Variants in CCNH observed in about 807,000 individuals in gnomAD.
The protein encoded by CCNH is cyclin-H.
In CCNH, 31 loss-of-function variants were observed where a neutral mutation model predicts 41.9. That is an observed-to-expected ratio of 0.74 (90% CI 0.56 to 1.00). CCNH has a LOEUF of 1.00. CCNH is among the 50% of genes least tolerant of loss of function. The pLI, the probability that CCNH is intolerant of heterozygous loss-of-function variation, is 0.00. For missense variants in CCNH, 362 were observed against 388.4 expected (o/e 0.93, Z 0.57); for synonymous variants, 138 against 136.1 (o/e 1.01, Z -0.10).
Position 87,377,148 on chromosome 5 carries a change from A to AGGT in CCNH, n.32_33insACC, listed in dbSNP as rs1224353810. 6.1e-5 allele frequency: 85 copies of AGGT among 1,387,898 alleles called. No homozygotes were observed. In the Admixed American group the frequency reaches 1.4e-3, roughly 23 times the overall value. The allele number at this position is 1,387,898 out of a possible 1,614,324, so 86.0% of individuals were successfully genotyped here. On this transcript the variant is annotated non_coding_transcript_exon_variant, in exon 1 of 1. Coordinates refer to the CCNH transcript ENST00000607486. ...TACTAAATTGTTAAATTATATTGCA[A>AGGT]AATAAGTTATTCTGTTTTCCCTCCT...
chr5:87,331,131 G>T (rs1580278957), intron 9 of CCNH: 1 of 860,744 alleles, frequency 1.2e-6, no homozygotes, highest in East Asian at 2.6e-5. Flanking sequence ...AGATGACTAG[G>T]ACTGAGCTTT....
intron 1 of CCNH, 24 bp downstream of exon 1, chr5:87,412,654 G>A: frequency 1.2e-6 from 2 of 1,612,572 alleles, no homozygotes; most frequent in East Asian, 2.2e-5. Context: ...CCGGGCAACT[G>A]GGCAACCGTT....
At chr5:87,367,023 C>G (rs747981268) in intron 9 of CCNH, among the ~76,000 whole-genome samples, 1 of 152,130 alleles carries the variant, frequency 6.6e-6, no homozygotes, top group Non-Finnish European at 1.5e-5. Context: ...AGAGTGAGGC[C>G]CGGTCTCAAA....
chr5:87,369,395 T>C (rs1760762382), intron 9 of CCNH, among the ~76,000 whole-genome samples: 1 of 152,104 alleles, frequency 6.6e-6, no homozygotes, highest in Non-Finnish European at 1.5e-5. Flanking sequence ...TTAGAAAAAT[T>C]TGAAAATACA....
chr5:87,372,899 C>T (rs918948468), downstream of CCNH, among the ~76,000 whole-genome samples: 1 of 152,110 alleles, frequency 6.6e-6, no homozygotes, highest in South Asian at 2.1e-4. Context: ...TACTGTTCTA[C>T]TGGGAGTGGA....
intron 4 of CCNH, among the ~76,000 whole-genome samples, chr5:87,406,862 G>A (rs560316048): frequency 3.3e-5 from 5 of 152,130 alleles, no homozygotes; most frequent in South Asian, 2.1e-4. Flanking sequence ...ATACAGATGC[G>A]CGATAAATAC....
At chr5:87,392,391 A>G (rs991667276), downstream of CCNH, 2 of 454,878 alleles carry the variant, frequency 4.4e-6, no homozygotes, top group Non-Finnish European at 8.8e-6. Context: ...TGATACCAAA[A>G]ATCTCAACAT....
At chr5:87,330,086 G>A (rs981310580) in intron 9 of CCNH, among the ~76,000 whole-genome samples, 2 of 152,048 alleles carry the variant, frequency 1.3e-5, no homozygotes, top group Admixed American at 6.5e-5. Flanking sequence ...TGTTTGTTAA[G>A]TCGTAATGGA....
At chr5:87,348,827 C>A (rs1038301708) in intron 9 of CCNH, among the ~76,000 whole-genome samples, 1 of 151,836 alleles carries the variant, frequency 6.6e-6, no homozygotes, top group African/African-American at 2.4e-5. Context: ...GCAAACTGGT[C>A]TTCACTTTTT....
At chr5:87,345,450 C>G (rs1758793314) in intron 9 of CCNH, among the ~76,000 whole-genome samples, 1 of 152,074 alleles carries the variant, frequency 6.6e-6, no homozygotes, top group Non-Finnish European at 1.5e-5. Context: ...AAATCCTGCT[C>G]TAGCATTTGT....
downstream of CCNH, chr5:87,392,030 T>TTTAGA (rs2112534218): frequency 3.1e-6 from 1 of 318,452 alleles, no homozygotes; most frequent in African/African-American, 2.2e-5. Context: ...AAGCTGAAGC[T>TTTAGA]TTAGATTAGT....
In CCNH at chr5:87,369,848, G is replaced by A. The variant is rs1049500073; in HGVS notation, c.*90+22922C>T. 5 of 1,612,246 alleles carry A rather than the reference G, an allele frequency of 3.1e-6. No individual in the cohort carries two copies. The Middle Eastern group carries it at 5.0e-4, about 160-fold the overall frequency. The stretch of plus-strand genomic sequence containing the variant: ...TTTCAGATAGTAGTTCAGCACTTTA[G>A]TGAAGAACATTACATCTTTTACTTT... On this transcript the variant is annotated intron_variant and NMD_transcript_variant, in intron 9 of 9. Coordinates refer to the CCNH transcript ENST00000645953.
At chr5:87,363,533 CG>C (rs1561311562) in intron 9 of CCNH, 1 of 1,598,046 alleles carries the variant, frequency 6.3e-7, no homozygotes, top group Admixed American at 1.7e-5. Context: ...ATTTTTCTTT[CG>C]GAATTGTCTT....
chr5:87,354,957 A>G (rs905715849), intron 9 of CCNH, among the ~76,000 whole-genome samples: 8 of 152,174 alleles, frequency 5.3e-5, no homozygotes, highest in Non-Finnish European at 1.0e-4. Context: ...ACTCTCTTCT[A>G]TTCTGTGAAG....
intron 2 of CCNH, among the ~76,000 whole-genome samples, chr5:87,410,928 C>G (rs1414670130): frequency 6.6e-6 from 1 of 152,144 alleles, no homozygotes; most frequent in Non-Finnish European, 1.5e-5. Flanking sequence ...TAGTCCCAGT[C>G]CTATGGCTCA....
At chr5:87,312,190 T>G in the CCNH span, among the ~76,000 whole-genome samples, 1 of 152,366 alleles carries the variant, frequency 6.6e-6, no homozygotes, top group East Asian at 1.9e-4. Flanking sequence ...TGTGGTCAGA[T>G]TCTACATTTC....
At chr5:87,402,319 AG>A (rs1299665642) in intron 5 of CCNH, among the ~76,000 whole-genome samples, 1 of 152,228 alleles carries the variant, frequency 6.6e-6, no homozygotes, top group Non-Finnish European at 1.5e-5. Flanking sequence ...ATTTGCATCA[AG>A]TCCAAATCAA....
intron 9 of CCNH, among the ~76,000 whole-genome samples, chr5:87,349,544 C>T (rs1263215938): frequency 1.3e-5 from 2 of 151,798 alleles, no homozygotes; most frequent in African/African-American, 4.8e-5. Context: ...AATATGAATA[C>T]AAATTAGTAA....
chr5:87,359,757 A>G (rs756527513), intron 9 of CCNH, among the ~76,000 whole-genome samples: 2 of 152,222 alleles, frequency 1.3e-5, no homozygotes, highest in Non-Finnish European at 2.9e-5. Flanking sequence ...CATTTTACAA[A>G]TAATTCGCAT....
Sources: gnomAD v4.1 joint callset for allele counts (sites outside exome capture counted in the v4.1 genomes callset) on GRCh38, gnomAD v4.1.1 for gene constraint, MANE v1.5 for transcripts, NCBI Gene and HGNC (gene_info 2026-07-23, HGNC 2026-07-21) for gene names.